CYP2C18: variants seen among roughly 807,000 people sequenced by gnomAD.
CYP2C18 encodes the protein cytochrome P450 family 2 subfamily C member 18, also known as cytochrome P450 2C18.
Under a neutral mutation model 41.3 loss-of-function variants are expected in CYP2C18, and 38 were observed. The ratio of observed to expected loss-of-function variants is 0.92; its 90% CI spans 0.71 to 1.21. The LOEUF (loss-of-function observed/expected upper bound fraction) is 1.21, where lower values mean the gene tolerates loss of function less well. CYP2C18 is among the 50% of genes most tolerant of loss of function. CYP2C18 has a pLI of 0.00. For missense variants in CYP2C18, 635 were observed against 591.4 expected, an observed-to-expected ratio of 1.07 and a Z score of -0.77; for synonymous variants, 236 against 210.0, an observed-to-expected ratio of 1.12 and a Z score of -1.07.
intron 4 of CYP2C18, among the ~76,000 whole-genome samples, chr10:94,706,297 TGA>T (rs1847341771): frequency 6.6e-6 from 1 of 152,212 alleles, no homozygotes. Context: ...CATAAAATGC[TGA>T]GTTACATTTT....
rs768617676 is a variant in CYP2C18, at chr10:94,720,492, C to G, written c.916C>G (p.Leu306Val). ...GAGTETTSTT[L>V]RYGLLLLLKY... ...TGGAACAGAGACAACGAGCACCACT[C>G]TGAGATATGGACTCCTGCTCCTGCT... Residue 306 changes from leucine (L) to valine (V), a missense_variant, in exon 6 of 9, where the codon CTG becomes GTG. Transcript: ENST00000285979. 1.2e-6 allele frequency: 2 copies of G among 1,613,450 alleles called. No individual in the cohort carries two copies. Among genetic ancestry groups the G allele is most frequent in the South Asian group, 1.1e-5 (1 of 91,048 alleles).
chr10:94,688,049 C>G (rs1301634424), intron 2 of CYP2C18, 76 bp from the exon 3 acceptor site: 11 of 1,604,970 alleles, frequency 6.9e-6, no homozygotes, highest in African/African-American at 2.7e-5. Flanking sequence ...TTGACCTGTC[C>G]ACGTGGCTGC....
intron 7 of CYP2C18, chr10:94,728,774 G>A: frequency 5.9e-6 from 1 of 168,816 alleles, no homozygotes. Context: ...ATTGGAGATA[G>A]AACCACCATG....
rs182157828 is a variant in CYP2C18, at chr10:94,704,309, T to C, written c.643-2475T>C. ...GAGTCTTTCCTCTCTTTAGGGTGTTTTGTTGCCTGCTATAGTTTTTATTTT... is the reference window on the plus strand; with the variant it reads ...GAGTCTTTCCTCTCTTTAGGGTGTTCTGTTGCCTGCTATAGTTTTTATTTT... On this transcript the variant is annotated intron_variant, in intron 4 of 8. Coordinates refer to ENST00000285979, the MANE Select transcript of CYP2C18 (RefSeq NM_000772.3). Among the ~76,000 whole-genome samples, 391 of 152,072 alleles carry C rather than the reference T, an allele frequency of 2.6e-3. 1 individual carries two copies. Among genetic ancestry groups the C allele is most frequent in the Non-Finnish European group, 3.5e-3 (240 of 67,972 alleles).
At chr10:94,718,671 A>G (rs1401259068) in intron 5 of CYP2C18, among the ~76,000 whole-genome samples, 3 of 151,778 alleles carry the variant, frequency 2.0e-5, no homozygotes, top group African/African-American at 7.3e-5. Flanking sequence ...ATCCAGGCAG[A>G]AACTTGGACT....
intron 1 of CYP2C18, among the ~76,000 whole-genome samples, chr10:94,685,314 A>G (rs1846866755): frequency 6.6e-6 from 1 of 151,872 alleles, no homozygotes; most frequent in Admixed American, 6.6e-5. Context: ...AATTACAGAC[A>G]TGAGCCATTG....
chr10:94,688,054 G>A (rs1846925409), intron 2 of CYP2C18, 71 bp from the exon 3 acceptor site: 1 of 1,607,142 alleles, frequency 6.2e-7, no homozygotes, highest in African/African-American at 1.3e-5. Flanking sequence ...CTGTCCACGT[G>A]GCTGCCGAGT....
intron 3 of CYP2C18, among the ~76,000 whole-genome samples, chr10:94,692,831 C>T (rs900161110): frequency 2.6e-5 from 4 of 152,104 alleles, no homozygotes; most frequent in African/African-American, 9.7e-5. Context: ...CCATGGAATA[C>T]TATGCAGCCA....
intron 6 of CYP2C18, among the ~76,000 whole-genome samples, chr10:94,720,867 G>T (rs576998395): frequency 6.6e-6 from 1 of 152,142 alleles, no homozygotes; most frequent in Admixed American, 6.6e-5. Context: ...GCCTAGGATT[G>T]TATGTTGGTT....
chr10:94,710,134 T>C (rs1847411180), intron 5 of CYP2C18, among the ~76,000 whole-genome samples: 1 of 152,114 alleles, frequency 6.6e-6, no homozygotes, highest in Admixed American at 6.6e-5. Context: ...TATGGCCAGA[T>C]AATTTATTGT....
chr10:94,726,150 T>C (rs1847736569), intron 7 of CYP2C18, among the ~76,000 whole-genome samples: 1 of 152,124 alleles, frequency 6.6e-6, no homozygotes, highest in East Asian at 1.9e-4. Flanking sequence ...CAACACCTTC[T>C]ACCTTCATTC....
intron 8 of CYP2C18, among the ~76,000 whole-genome samples, chr10:94,734,700 G>A (rs1307567134): frequency 6.6e-6 from 1 of 152,156 alleles, no homozygotes; most frequent in Non-Finnish European, 1.5e-5. Flanking sequence ...ATGAAGAATG[G>A]AAGGAGTGAT....
intron 5 of CYP2C18, among the ~76,000 whole-genome samples, chr10:94,715,291 A>G (rs1421682508): frequency 1.3e-5 from 2 of 152,200 alleles, no homozygotes; most frequent in Non-Finnish European, 2.9e-5. Flanking sequence ...GTTTGTGCCC[A>G]TTCAGTATGA....
chr10:94,713,153 T>G (rs2134195780), intron 5 of CYP2C18, among the ~76,000 whole-genome samples: 1 of 152,226 alleles, frequency 6.6e-6, no homozygotes, highest in African/African-American at 2.4e-5. Flanking sequence ...TAATATGTTT[T>G]TCTTCCAATG....
chr10:94,731,096 C>G (rs1564649843), intron 7 of CYP2C18, among the ~76,000 whole-genome samples: 1 of 152,126 alleles, frequency 6.6e-6, no homozygotes, highest in Non-Finnish European at 1.5e-5. Context: ...AATGGCCATA[C>G]TGGGCCAGGT....
chr10:94,690,946 C>A (rs1846986640), intron 3 of CYP2C18, among the ~76,000 whole-genome samples: 1 of 150,922 alleles, frequency 6.6e-6, no homozygotes, highest in African/African-American at 2.4e-5. Flanking sequence ...TCAACAGATG[C>A]AGAAAAGGCC....
rs535378662 is a variant in CYP2C18, at chr10:94,715,324, A to G, written c.820-5072A>G. 7.2e-5 allele frequency among the ~76,000 whole-genome samples: 11 copies of G among 152,206 alleles called. No individual in the cohort carries two copies. In the East Asian group the frequency reaches 2.1e-3, roughly 29 times the overall value. On this transcript the variant is annotated intron_variant, in intron 5 of 8. Coordinates refer to ENST00000285979, the MANE Select transcript of CYP2C18 (RefSeq NM_000772.3). ...TGATATTGGCTTTGGGTTTGTCATA[A>G]ATAGCTCTTATTATTTTGAGATGTG...
chr10:94,731,940 C>G (rs1481184024), intron 7 of CYP2C18, among the ~76,000 whole-genome samples: 1 of 151,692 alleles, frequency 6.6e-6, no homozygotes, highest in Non-Finnish European at 1.5e-5. Context: ...CAAAAGCAAT[C>G]ACAATGAAAA....
At chr10:94,725,627 G>C (rs890737201) in intron 7 of CYP2C18, among the ~76,000 whole-genome samples, 2 of 152,066 alleles carry the variant, frequency 1.3e-5, no homozygotes, top group African/African-American at 4.8e-5. Context: ...AATCAGATTA[G>C]AGAAGGTTGC....
Sources: gnomAD v4.1 joint callset for allele counts (sites outside exome capture counted in the v4.1 genomes callset) on GRCh38, gnomAD v4.1.1 for gene constraint, MANE v1.5 for transcripts, NCBI Gene and HGNC (gene_info 2026-07-23, HGNC 2026-07-21) for gene names.